The following GPC5 variants were observed in gnomAD, a reference collection of about 807,000 sequenced individuals.
The protein encoded by GPC5 is glypican-5.
Under a neutral mutation model 53.9 loss-of-function variants are expected in GPC5, and 47 were observed. The observed-to-expected ratio is 0.87, with a 90% CI of 0.69 to 1.11. GPC5 has a LOEUF of 1.11. GPC5 is among the 50% of genes most tolerant of loss of function. The pLI is 0.00. For synonymous variants in GPC5, 286 were observed against 263.3 expected (o/e 1.09, Z -0.84); for missense variants, 748 against 713.1 (o/e 1.05, Z -0.56).
At chr13:91,745,259 A>G (rs1449109649) in intron 4 of GPC5, among the ~76,000 whole-genome samples, 3 of 152,164 alleles carry the variant, frequency 2.0e-5, no homozygotes, top group East Asian at 3.9e-4. Flanking sequence ...GTGTTTTTTT[A>G]TGGGGACATT....
At chr13:91,508,296 C>T (rs772245437) in intron 2 of GPC5, among the ~76,000 whole-genome samples, 13 of 151,988 alleles carry the variant, frequency 8.6e-5, no homozygotes, top group Non-Finnish European at 1.8e-4. Context: ...GTATTGAGAG[C>T]AAAGGTAGAT....
At chr13:92,227,017 C>T (rs1413896797) in intron 7 of GPC5, among the ~76,000 whole-genome samples, 4 of 152,140 alleles carry the variant, frequency 2.6e-5, no homozygotes, top group Non-Finnish European at 4.4e-5. Context: ...TGTTGAAAGT[C>T]AGTACACTGA....
intron 6 of GPC5, among the ~76,000 whole-genome samples, chr13:91,922,316 A>C (rs576116545): frequency 6.6e-6 from 1 of 152,146 alleles, no homozygotes; most frequent in Non-Finnish European, 1.5e-5. Flanking sequence ...TTTAAAAAAA[A>C]CTAAAGGCGA....
At chr13:92,342,293 G>C (rs952504041) in intron 7 of GPC5, among the ~76,000 whole-genome samples, 2 of 152,112 alleles carry the variant, frequency 1.3e-5, no homozygotes, top group Non-Finnish European at 2.9e-5. Flanking sequence ...GAATATTGCA[G>C]TAGCCTCCTA....
In GPC5 at chr13:91,693,810, C is replaced by G; in HGVS notation, c.949C>G (p.Leu317Val). 1 of 1,613,504 alleles carries G rather than the reference C, an allele frequency of 6.2e-7. No homozygotes were observed. The highest frequency in any genetic ancestry group is 1.3e-5 in the African/African-American group (1 of 75,050). ...AACATACGACATTGGACACGTGCTG[C>G]TGAACTTTCACTTGCTTGTTAATGA... ...HGTYDIGHVL[L>V]NFHLLVNDAV... Residue 317 changes from leucine (L) to valine (V), a missense_variant, in exon 3 of 8, where the codon CTG (leucine) becomes GTG (valine). Transcript: ENST00000377067.
chr13:91,497,596 A>G (rs967406481), intron 2 of GPC5, among the ~76,000 whole-genome samples: 2 of 152,186 alleles, frequency 1.3e-5, no homozygotes, highest in African/African-American at 2.4e-5. Flanking sequence ...AAATTAGTCC[A>G]TAGAAACCTG....
intron 7 of GPC5, among the ~76,000 whole-genome samples, chr13:92,297,783 C>A (rs866445960): frequency 6.6e-6 from 1 of 151,880 alleles, no homozygotes; most frequent in African/African-American, 2.4e-5. Flanking sequence ...ATTGGCAACC[C>A]GCTCGGGTCC....
chr13:91,556,522 G>GTGTA (rs1555323818), intron 2 of GPC5, among the ~76,000 whole-genome samples: 2 of 147,514 alleles, frequency 1.4e-5, no homozygotes, highest in East Asian at 4.0e-4. Context: ...TGCAGTATGT[G>GTGTA]TATATATATA....
At chr13:91,836,006 A>G (rs1420104904) in intron 5 of GPC5, among the ~76,000 whole-genome samples, 4 of 152,106 alleles carry the variant, frequency 2.6e-5, no homozygotes, top group Non-Finnish European at 5.9e-5. Context: ...TTTACCTGCC[A>G]TGGGTACACT....
At chr13:92,102,418 A>G (rs1171286254) in intron 6 of GPC5, among the ~76,000 whole-genome samples, 1 of 152,160 alleles carries the variant, frequency 6.6e-6, no homozygotes, top group Non-Finnish European at 1.5e-5. Flanking sequence ...AAGAAAATTG[A>G]GGAGTGGAAG....
chr13:91,768,667 A>G (rs1297192591), intron 5 of GPC5, among the ~76,000 whole-genome samples: 1 of 152,218 alleles, frequency 6.6e-6, no homozygotes, highest in East Asian at 1.9e-4. Context: ...TTTTAGTTAT[A>G]TTAGATCATT....
chr13:92,401,143 T>G (rs979498349), intron 7 of GPC5, among the ~76,000 whole-genome samples: 3 of 152,084 alleles, frequency 2.0e-5, no homozygotes, highest in Non-Finnish European at 4.4e-5. Context: ...GCTACTATTT[T>G]TTTTGTTTCT....
At chr13:91,961,839 G>A (rs1218240655) in intron 6 of GPC5, among the ~76,000 whole-genome samples, 2 of 151,984 alleles carry the variant, frequency 1.3e-5, no homozygotes, top group East Asian at 3.9e-4. Context: ...TTAAGAGAAG[G>A]GAGTTTGTGA....
In GPC5 at chr13:92,356,081, A is replaced by G. The variant is rs535123366; in HGVS notation, c.1561+211092A>G. Among the ~76,000 whole-genome samples the G allele has an allele frequency of 4.8e-4, 73 of 152,158 alleles. 1 individual carries two copies. The highest frequency in any genetic ancestry group is 3.4e-3 in the Middle Eastern group (1 of 294). On this transcript the variant is annotated intron_variant, in intron 7 of 7. Coordinates refer to ENST00000377067, the MANE Select transcript of GPC5 (RefSeq NM_004466.6). ...TGGCCTTTTCTTTCTCTCACAGGGGATAACTTCCCTGCTCGTTTCCAAAGT... is the reference window on the plus strand; with the variant it reads ...TGGCCTTTTCTTTCTCTCACAGGGGGTAACTTCCCTGCTCGTTTCCAAAGT...
intron 7 of GPC5, among the ~76,000 whole-genome samples, chr13:92,740,674 A>G (rs1218754212): frequency 6.6e-6 from 1 of 151,936 alleles, no homozygotes; most frequent in Non-Finnish European, 1.5e-5. Flanking sequence ...AACTACTTCT[A>G]AAAGTTTGGT....
chr13:91,554,122 C>T (rs1353905975), intron 2 of GPC5, among the ~76,000 whole-genome samples: 1 of 151,912 alleles, frequency 6.6e-6, no homozygotes, highest in African/African-American at 2.4e-5. Flanking sequence ...AAAACTGGAC[C>T]TTCTAGTTTG....
chr13:91,729,722 C>G (rs1279179203), intron 4 of GPC5, among the ~76,000 whole-genome samples: 2 of 152,124 alleles, frequency 1.3e-5, no homozygotes, highest in Non-Finnish European at 2.9e-5. Flanking sequence ...CAATGATCAG[C>G]AATCATTTCT....
intron 6 of GPC5, among the ~76,000 whole-genome samples, chr13:92,102,737 T>C (rs1340449088): frequency 6.6e-6 from 1 of 152,182 alleles, no homozygotes; most frequent in Non-Finnish European, 1.5e-5. Context: ...TGTATATATG[T>C]AGATGTTAGT....
At chr13:92,259,840 C>T (rs1242929262) in intron 7 of GPC5, among the ~76,000 whole-genome samples, 2 of 152,156 alleles carry the variant, frequency 1.3e-5, no homozygotes, top group Non-Finnish European at 1.5e-5. Flanking sequence ...ATCAGAAATT[C>T]ACCCTTAGCT....
Sources: gnomAD v4.1 joint callset for allele counts (sites outside exome capture counted in the v4.1 genomes callset) on GRCh38, gnomAD v4.1.1 for gene constraint, MANE v1.5 for transcripts, NCBI Gene and HGNC (gene_info 2026-07-23, HGNC 2026-07-21) for gene names.